The following ME1 variants were observed in gnomAD, a reference collection of about 807,000 sequenced individuals.
ME1 encodes NADP-dependent malic enzyme.
In ME1, 74 loss-of-function variants were observed where a neutral mutation model predicts 66.4. The ratio of observed to expected loss-of-function variants is 1.11; its 90% confidence interval spans 0.92 to 1.35. The LOEUF (loss-of-function observed/expected upper bound fraction) is 1.35. ME1 is among the 40% of genes most tolerant of loss of function. ME1 has a pLI of 0.00. For missense variants in ME1, 750 were observed against 694.1 expected (o/e 1.08, Z -0.90); for synonymous variants, 251 against 235.6 (o/e 1.07, Z -0.60).
chr6:83,211,881 T>C lies in ME1; in HGVS notation c.*43A>G, dbSNP rs1454203690. On this transcript the variant is annotated 3_prime_UTR_variant, in exon 14 of 14. Transcript: ENST00000369705. ...TCCAACCTTTAAAAATTATGAAAGG[T>C]TTAAAGACCTCATTAATAGAGTTAG... 7.3e-7 allele frequency: 1 copy of C among 1,367,394 alleles called. No homozygotes were observed. Among genetic ancestry groups the C allele is most frequent in the Non-Finnish European group, 9.8e-7 (1 of 1,020,598 alleles). The allele number at this position is 1,367,394 out of a possible 1,614,324, so 84.7% of individuals were successfully genotyped here.
intron 3 of ME1, among the ~76,000 whole-genome samples, chr6:83,388,094 T>TTTTTTTTTTTC: frequency 6.7e-6 from 1 of 148,566 alleles, no homozygotes; most frequent in African/African-American, 2.5e-5. Flanking sequence ...TTCCTTCCTT[T>TTTTTTTTTTTC]TTTTTTTTGG....
At chr6:83,223,075 C>T (rs560966134) in intron 12 of ME1, among the ~76,000 whole-genome samples, 2 of 152,196 alleles carry the variant, frequency 1.3e-5, no homozygotes, top group Non-Finnish European at 2.9e-5. Context: ...TCACTTTAAA[C>T]CTTCAAAATG....
chr6:83,323,503 C>CA (rs1768222411), intron 5 of ME1, among the ~76,000 whole-genome samples: 1 of 124,508 alleles, frequency 8.0e-6, no homozygotes, highest in Non-Finnish European at 1.7e-5. Context: ...AACAAACAAA[C>CA]AAAAAACAAA....
chr6:83,390,063 G>GA (rs1310056043), intron 3 of ME1, among the ~76,000 whole-genome samples: 1 of 151,966 alleles, frequency 6.6e-6, no homozygotes, highest in East Asian at 1.9e-4. Flanking sequence ...CAGTCATTTA[G>GA]AAAAAAATTA....
chr6:83,228,045 T>C (rs1487941172), intron 10 of ME1, among the ~76,000 whole-genome samples: 24 of 152,232 alleles, frequency 1.6e-4, no homozygotes. Context: ...AAGTACTTCT[T>C]TTATTGTAGT....
rs764569864 is a variant in ME1 at position 83,430,923 on chromosome 6, G to A, written c.32C>T (p.Thr11Ile). 6 of 1,595,678 alleles carry A rather than the reference G, an allele frequency of 3.8e-6. No homozygotes were observed. The highest frequency in any genetic ancestry group is 5.1e-6 in the Non-Finnish European group (6 of 1,172,048). The change falls in exon 1 of 14, where the codon ACC becomes ATC. Residue 11 changes from threonine (T) to isoleucine (I), a missense_variant. Thr to Ile is a moderately conservative substitution (Grantham distance 89). Transcript: ENST00000369705. MEPEAPRRRH[T>I]HQRGYLLTRN... ...TGTCAGCAGGTAGCCGCGCTGATGG[G>A]TGTGGCGGCGACGGGGGGCTTCGGG... is the stretch of plus-strand genomic sequence containing the variant.
intron 7 of ME1, among the ~76,000 whole-genome samples, chr6:83,253,407 A>T (rs1390995425): frequency 6.6e-6 from 1 of 152,060 alleles, no homozygotes; most frequent in Non-Finnish European, 1.5e-5. Context: ...GATTTCTTGG[A>T]GCTCATTTTC....
intron 1 of ME1, among the ~76,000 whole-genome samples, chr6:83,415,885 G>C (rs1276668461): frequency 2.0e-5 from 3 of 152,102 alleles, no homozygotes; most frequent in South Asian, 2.1e-4. Context: ...CTTGGTACTA[G>C]TGACATTTTA....
At chr6:83,333,170 T>C (rs1171339944) in intron 5 of ME1, among the ~76,000 whole-genome samples, 1 of 152,184 alleles carries the variant, frequency 6.6e-6, no homozygotes, top group African/African-American at 2.4e-5. Context: ...GGATTTACTT[T>C]TATTAAAATT....
At chr6:83,295,570 C>T (rs1057427524) in intron 6 of ME1, among the ~76,000 whole-genome samples, 10 of 151,904 alleles carry the variant, frequency 6.6e-5, no homozygotes, top group Admixed American at 2.0e-4. Context: ...AGTGCAATGG[C>T]GCAATCTCAG....
At chr6:83,332,343 A>G (rs895711014) in intron 5 of ME1, among the ~76,000 whole-genome samples, 6 of 152,208 alleles carry the variant, frequency 3.9e-5, no homozygotes. Context: ...GGAAAACAAC[A>G]TGGCGATTTC....
At position 83,302,990 on chromosome 6, in the gene ME1, G is replaced by C. The variant is rs1411136578; in HGVS notation, c.704+12320C>G. Among the ~76,000 whole-genome samples, 4 of 152,104 alleles carry C rather than the reference G, an allele frequency of 2.6e-5. No individual in the cohort carries two copies. The East Asian group carries it at 7.7e-4, about 29-fold the overall frequency. On this transcript the variant is annotated intron_variant, in intron 6 of 13. Transcript: ENST00000369705. ...TGGTGTAAAGATATAAAATGGTGAA[G>C]TTGGGTTATGATTATAGAAACTGGG...
At chr6:83,411,299 G>T (rs1203211599) in intron 1 of ME1, among the ~76,000 whole-genome samples, 1 of 152,098 alleles carries the variant, frequency 6.6e-6, no homozygotes, top group Non-Finnish European at 1.5e-5. Context: ...GGGAGGCGGA[G>T]GTTGCAGTGA....
chr6:83,251,525 C>T (rs748751636), intron 7 of ME1, among the ~76,000 whole-genome samples: 8 of 151,702 alleles, frequency 5.3e-5, no homozygotes, highest in Non-Finnish European at 8.8e-5. Flanking sequence ...TATAAAAATG[C>T]TACTATGATA....
chr6:83,251,569 C>T (rs1328545072), intron 7 of ME1, among the ~76,000 whole-genome samples: 1 of 151,888 alleles, frequency 6.6e-6, no homozygotes, highest in African/African-American at 2.4e-5. Flanking sequence ...GCTATGGCAG[C>T]CTATGAGGTG....
At chr6:83,286,733 G>A (rs1318838105) in intron 6 of ME1, among the ~76,000 whole-genome samples, 1 of 152,048 alleles carries the variant, frequency 6.6e-6, no homozygotes, top group Non-Finnish European at 1.5e-5. Context: ...GGAGCAGGCT[G>A]GCTATTTCAA....
chr6:83,325,257 C>T (rs1231424222), intron 5 of ME1, among the ~76,000 whole-genome samples: 1 of 152,164 alleles, frequency 6.6e-6, no homozygotes, highest in African/African-American at 2.4e-5. Context: ...CAGCCAATAT[C>T]ATACTGAATG....
chr6:83,227,249 A>C, intron 11 of ME1, 86 bp downstream of exon 11: 1 of 920,846 alleles, frequency 1.1e-6, no homozygotes, highest in African/African-American at 1.7e-5. Flanking sequence ...TTTTAAACTT[A>C]AACAGTAAGC....
At chr6:83,302,986 T>C (rs1767755435) in intron 6 of ME1, among the ~76,000 whole-genome samples, 1 of 151,636 alleles carries the variant, frequency 6.6e-6, no homozygotes, top group Non-Finnish European at 1.5e-5. Context: ...TATAAAATGG[T>C]GAAGTTGGGT....
Sources: allele counts gnomAD v4.1 joint callset (sites outside exome capture counted in the v4.1 genomes callset), GRCh38; gene constraint gnomAD v4.1.1; transcripts MANE v1.5; gene names NCBI Gene and HGNC (gene_info 2026-07-23, HGNC 2026-07-21).